CDH13: variants seen among roughly 807,000 people sequenced by gnomAD.
CDH13 encodes cadherin 13, also known as cadherin-13.
In CDH13, 24 loss-of-function variants were observed where a neutral mutation model predicts 63.8. The observed-to-expected ratio is 0.38, with a 90% CI of 0.27 to 0.53. The LOEUF (loss-of-function observed/expected upper bound fraction) is 0.53. Ranked by LOEUF, CDH13 falls within the 20% of genes least tolerant of loss-of-function variation. CDH13 has a pLI of 0.85. For missense variants in CDH13, 1,049 were observed against 903.1 expected (o/e 1.16, Z -2.07); for synonymous variants, 503 against 355.3 (o/e 1.42, Z -4.67).
chr16:83,321,886 A>G (rs753532066), intron 5 of CDH13, among the ~76,000 whole-genome samples: 7 of 152,170 alleles, frequency 4.6e-5, no homozygotes, highest in Non-Finnish European at 1.0e-4. Flanking sequence ...AAGTTTTTAA[A>G]CATGTGAGGA....
At chr16:82,914,661 G>T (rs181247343) in intron 2 of CDH13, among the ~76,000 whole-genome samples, 2 of 152,178 alleles carry the variant, frequency 1.3e-5, no homozygotes, top group Non-Finnish European at 2.9e-5. Context: ...AGCTTGGTCA[G>T]CCCTGGCACA....
intron 1 of CDH13, among the ~76,000 whole-genome samples, chr16:82,629,221 G>A (rs1412440239): frequency 1.3e-5 from 2 of 152,218 alleles, no homozygotes; most frequent in Non-Finnish European, 2.9e-5. Flanking sequence ...CCAGGGCCAG[G>A]CTGGCACAGG....
At chr16:82,646,732 G>T (rs1027043608) in intron 1 of CDH13, among the ~76,000 whole-genome samples, 3 of 152,144 alleles carry the variant, frequency 2.0e-5, no homozygotes, top group Non-Finnish European at 4.4e-5. Flanking sequence ...GGAAGAGTTA[G>T]GTATGTCAGT....
chr16:83,456,993 G>A (rs2073041217), intron 6 of CDH13, among the ~76,000 whole-genome samples: 1 of 152,146 alleles, frequency 6.6e-6, no homozygotes, highest in African/African-American at 2.4e-5. Flanking sequence ...CCTAGGGCAT[G>A]TCCCTGATGG....
intron 6 of CDH13, among the ~76,000 whole-genome samples, chr16:83,426,923 T>TTTC: frequency 9.4e-6 from 1 of 106,354 alleles, no homozygotes; most frequent in African/African-American, 3.2e-5. Flanking sequence ...TTTTTTTTTT[T>TTTC]TTTTTTTTTT....
intron 5 of CDH13, among the ~76,000 whole-genome samples, chr16:83,231,231 G>A (rs1241301624): frequency 6.6e-6 from 1 of 152,308 alleles, no homozygotes; most frequent in Non-Finnish European, 1.5e-5. Flanking sequence ...CAGTTTAACT[G>A]TGTAGGTTGG....
intron 1 of CDH13, chr16:82,727,440 C>G (rs565576286): frequency 5.3e-5 from 8 of 152,300 alleles, no homozygotes; most frequent in East Asian, 1.9e-4. Context: ...CAGCTTCTAA[C>G]CAGTAACCAT....
chr16:82,846,706 T>C (rs1393215377), intron 1 of CDH13, among the ~76,000 whole-genome samples: 3 of 152,204 alleles, frequency 2.0e-5, no homozygotes, highest in African/African-American at 4.8e-5. Flanking sequence ...TCCTTCTAGA[T>C]AATAAGTTTT....
intron 3 of CDH13, among the ~76,000 whole-genome samples, chr16:83,079,636 C>T (rs1334355042): frequency 6.6e-6 from 1 of 152,120 alleles, no homozygotes; most frequent in Non-Finnish European, 1.5e-5. Context: ...GTCATTGTTA[C>T]CATTATCCTT....
chr16:82,767,121 T>C (rs1486285007), intron 1 of CDH13, among the ~76,000 whole-genome samples: 1 of 152,232 alleles, frequency 6.6e-6, no homozygotes, highest in Non-Finnish European at 1.5e-5. Context: ...TTCAGTAGAG[T>C]TCAATATTTG....
At chr16:83,665,536 C>G (rs2150845451) in intron 8 of CDH13, among the ~76,000 whole-genome samples, 1 of 152,306 alleles carries the variant, frequency 6.6e-6, no homozygotes, top group East Asian at 1.9e-4. Flanking sequence ...GGTCTCTCCC[C>G]TACCCTTTTA....
At chr16:82,762,143 T>G (rs1346382881) in intron 1 of CDH13, among the ~76,000 whole-genome samples, 3 of 152,048 alleles carry the variant, frequency 2.0e-5, no homozygotes, top group Non-Finnish European at 4.4e-5. Context: ...CCCCTTCTTT[T>G]CCCCCAAGTG....
At chr16:83,057,067 A>G (rs148225534) in intron 3 of CDH13, among the ~76,000 whole-genome samples, 3 of 152,102 alleles carry the variant, frequency 2.0e-5, no homozygotes, top group African/African-American at 7.2e-5. Flanking sequence ...CCCTGGTTCA[A>G]GTGATTCTCC....
chr16:83,114,807 G>T (rs1361008709), intron 3 of CDH13, among the ~76,000 whole-genome samples: 1 of 152,156 alleles, frequency 6.6e-6, no homozygotes, highest in Non-Finnish European at 1.5e-5. Flanking sequence ...TGTAGCCCCA[G>T]GTACTTCAAA....
intron 5 of CDH13, among the ~76,000 whole-genome samples, chr16:83,305,822 A>G (rs892222915): frequency 3.3e-5 from 5 of 152,208 alleles, no homozygotes; most frequent in Non-Finnish European, 5.9e-5. Flanking sequence ...GGCCAAACGC[A>G]TAATAGATAC....
At chr16:83,423,355 C>G (rs971287722) in intron 6 of CDH13, among the ~76,000 whole-genome samples, 4 of 152,096 alleles carry the variant, frequency 2.6e-5, no homozygotes, top group African/African-American at 9.7e-5. Context: ...AGAAAAAAAG[C>G]CTAAAGCCAC....
intron 7 of CDH13, among the ~76,000 whole-genome samples, chr16:83,553,971 G>T (rs184731352): frequency 1.3e-5 from 2 of 152,120 alleles, no homozygotes; most frequent in African/African-American, 4.8e-5. Flanking sequence ...ATTTATAAAC[G>T]ATTCTGCAGT....
intron 6 of CDH13, among the ~76,000 whole-genome samples, chr16:83,425,437 A>G (rs981585704): frequency 1.3e-5 from 2 of 152,240 alleles, no homozygotes; most frequent in Non-Finnish European, 2.9e-5. Context: ...ACTCTTGGCC[A>G]GGGGCCAATT....
intron 6 of CDH13, among the ~76,000 whole-genome samples, chr16:83,447,013 T>G (rs1285051887): frequency 1.7e-5 from 2 of 118,814 alleles, no homozygotes; most frequent in Admixed American, 2.2e-4. Context: ...AGTAAGGAAA[T>G]GATTTAAATA....
Sources: allele counts gnomAD v4.1 joint callset (sites outside exome capture counted in the v4.1 genomes callset), GRCh38; gene constraint gnomAD v4.1.1; transcripts MANE v1.5; gene names NCBI Gene and HGNC (gene_info 2026-07-23, HGNC 2026-07-21).